KCNIP1: variants seen among roughly 807,000 people sequenced by gnomAD.
KCNIP1 encodes the protein potassium voltage-gated channel interacting protein 1, also known as A-type potassium channel modulatory protein KCNIP1.
In KCNIP1, 18 loss-of-function variants were observed where a neutral mutation model predicts 33.0. That is an observed-to-expected ratio of 0.55 (90% CI 0.38 to 0.81). KCNIP1 has a LOEUF of 0.81. KCNIP1 is among the 30% of genes least tolerant of loss of function. KCNIP1 has a pLI of 0.00. For missense variants in KCNIP1, 238 were observed against 271.6 expected, an observed-to-expected ratio of 0.88 and a Z score of 0.87; for synonymous variants, 93 against 98.3, an observed-to-expected ratio of 0.95 and a Z score of 0.32.
intron 1 of KCNIP1, among the ~76,000 whole-genome samples, chr5:170,617,374 C>G (rs1381391467): frequency 6.6e-6 from 1 of 151,920 alleles, no homozygotes; most frequent in Non-Finnish European, 1.5e-5. Flanking sequence ...TAGTGGAAAG[C>G]TGGACCACTG....
chr5:170,397,643 C>T (rs34290690), intron 1 of KCNIP1, among the ~76,000 whole-genome samples: 8,168 of 152,240 alleles, frequency 0.054, 246 homozygotes, highest in South Asian at 0.13. Context: ...AACAGTGCCT[C>T]ATTAAATATT....
At chr5:170,383,599 C>A in intron 1 of KCNIP1, 5 of 1,508,540 alleles carry the variant, frequency 3.3e-6, no homozygotes, top group Non-Finnish European at 4.6e-6. Flanking sequence ...TTCTCAGCCT[C>A]GGGGACAGGG....
chr5:170,426,964 G>A (rs557993333), intron 1 of KCNIP1, among the ~76,000 whole-genome samples: 4 of 152,248 alleles, frequency 2.6e-5, no homozygotes, highest in East Asian at 1.9e-4. Context: ...AGGCGCGGCC[G>A]CAGGACCAGC....
chr5:170,640,719 C>G (rs1278065231), intron 1 of KCNIP1, among the ~76,000 whole-genome samples: 1 of 152,180 alleles, frequency 6.6e-6, no homozygotes, highest in African/African-American at 2.4e-5. Context: ...CATGTATATT[C>G]AGGAAGAAGT....
intron 1 of KCNIP1, among the ~76,000 whole-genome samples, chr5:170,709,986 G>T (rs1355946321): frequency 1.3e-5 from 2 of 152,050 alleles, no homozygotes; most frequent in East Asian, 3.9e-4. Context: ...TCCTGCCTCA[G>T]CCTCCCAAGC....
chr5:170,666,205 G>T (rs75821594), intron 1 of KCNIP1, among the ~76,000 whole-genome samples: 2,887 of 152,166 alleles, frequency 0.019, 48 homozygotes, highest in Non-Finnish European at 0.031. Flanking sequence ...TGACACTTTG[G>T]GTTATAATCC....
intron 1 of KCNIP1, among the ~76,000 whole-genome samples, chr5:170,658,378 T>C (rs1296226680): frequency 2.0e-5 from 3 of 152,100 alleles, no homozygotes; most frequent in Non-Finnish European, 4.4e-5. Context: ...AGGTTTCTCC[T>C]AAAAACCCAC....
intron 1 of KCNIP1, among the ~76,000 whole-genome samples, chr5:170,426,274 A>AACAC (rs1554091618): frequency 0.015 from 828 of 56,772 alleles, 3 homozygotes; most frequent in Middle Eastern, 0.039. Context: ...CACACACACA[A>AACAC]ACACACACAC....
At chr5:170,437,063 C>T (rs1393363947) in intron 1 of KCNIP1, among the ~76,000 whole-genome samples, 2 of 152,262 alleles carry the variant, frequency 1.3e-5, no homozygotes, top group East Asian at 3.9e-4. Flanking sequence ...GATGAAGAAG[C>T]AGATAATTGT....
At chr5:170,482,081 T>C (rs1756990196) in intron 1 of KCNIP1, among the ~76,000 whole-genome samples, 1 of 152,224 alleles carries the variant, frequency 6.6e-6, no homozygotes, top group Non-Finnish European at 1.5e-5. Flanking sequence ...GCAGTCTATG[T>C]CTTAAACCAA....
intron 1 of KCNIP1, among the ~76,000 whole-genome samples, chr5:170,545,265 A>C (rs537054631): frequency 6.6e-6 from 1 of 152,252 alleles, no homozygotes; most frequent in African/African-American, 2.4e-5. Flanking sequence ...CCTTGAAGGT[A>C]ATGTCTTTTT....
In KCNIP1 at chr5:170,733,958, G is replaced by C. The variant is rs1056013824; in HGVS notation, c.603+60G>C. 3.5e-6 allele frequency: 5 copies of C among 1,416,266 alleles called. No individual in the cohort carries two copies. The African/African-American group carries it at 7.1e-5, about 20-fold the overall frequency. 87.7% of individuals were successfully genotyped at this position (1,416,266 alleles called of 1,614,324 possible). A position where few individuals can be genotyped will look rare whatever the true frequency, so the allele number is the denominator to read the frequency against. On this transcript the variant is annotated intron_variant, in intron 7 of 7. Transcript: ENST00000328939. ...TCTGGGAAAGGAAACCTGGGGCCTG[G>C]GGACCTGCAGAAGGAAGGTGATGAG...
intron 1 of KCNIP1, among the ~76,000 whole-genome samples, chr5:170,618,578 C>A (rs1759489253): frequency 7.7e-6 from 1 of 129,246 alleles, no homozygotes; most frequent in South Asian, 2.5e-4. Flanking sequence ...AGGGAGCTAA[C>A]TGACATTTTC....
chr5:170,660,836 T>C (rs930876562), intron 1 of KCNIP1, among the ~76,000 whole-genome samples: 2 of 152,242 alleles, frequency 1.3e-5, no homozygotes, highest in African/African-American at 4.8e-5. Context: ...CTGTGTGTCC[T>C]GGACAGGAGC....
chr5:170,571,325 C>T (rs1408639011), intron 1 of KCNIP1, among the ~76,000 whole-genome samples: 7 of 152,228 alleles, frequency 4.6e-5, no homozygotes, highest in Admixed American at 4.6e-4. Context: ...AGACTCATCT[C>T]TTCCCTGGCC....
intron 1 of KCNIP1, among the ~76,000 whole-genome samples, chr5:170,450,682 G>A (rs1040472892): frequency 4.6e-5 from 7 of 152,014 alleles, no homozygotes; most frequent in African/African-American, 1.2e-4. Flanking sequence ...CAGTTGCTCC[G>A]ACCACCTCCG....
exon 1 of KCNIP1, chr5:170,353,691 G>T: frequency 1.6e-6 from 1 of 614,048 alleles, no homozygotes; most frequent in South Asian, 1.9e-5. Flanking sequence ...TTGCCCTGCA[G>T]GCTCTCTGGA....
intron 1 of KCNIP1, among the ~76,000 whole-genome samples, chr5:170,672,752 C>A (rs535796021): frequency 1.3e-5 from 2 of 152,238 alleles, no homozygotes; most frequent in South Asian, 4.1e-4. Flanking sequence ...GGGAGGGGGG[C>A]AGAAAATAGA....
At chr5:170,406,649 T>C (rs1181910217) in intron 1 of KCNIP1, among the ~76,000 whole-genome samples, 1 of 152,284 alleles carries the variant, frequency 6.6e-6, no homozygotes, top group East Asian at 1.9e-4. Flanking sequence ...GAAAGCGGTT[T>C]ATTTCTCCTC....
Sources: allele counts gnomAD v4.1 joint callset (sites outside exome capture counted in the v4.1 genomes callset), GRCh38; gene constraint gnomAD v4.1.1; transcripts MANE v1.5; gene names NCBI Gene and HGNC (gene_info 2026-07-23, HGNC 2026-07-21).